The following SERPINB12 variants were observed in gnomAD, a reference collection of about 807,000 sequenced individuals.
The protein encoded by SERPINB12 is serpin family B member 12.
A neutral mutation model predicts 41.1 loss-of-function variants in SERPINB12; 57 were observed. The observed-to-expected ratio is 1.39, with a 90% CI of 1.12 to 1.73. SERPINB12 has a LOEUF of 1.73. SERPINB12 is among the 40% of genes most tolerant of loss of function. The probability of loss-of-function intolerance (pLI) is 0.00; values close to 1 mark genes in which losing one functional copy is unlikely to be tolerated. For missense variants in SERPINB12, 536 were observed against 501.9 expected (o/e 1.07, Z -0.65); for synonymous variants, 180 against 181.3 (o/e 0.99, Z 0.06).
the SERPINB12 span, among the ~76,000 whole-genome samples, chr18:63,519,761 A>G: frequency 2.0e-5 from 3 of 152,116 alleles, no homozygotes; most frequent in African/African-American, 7.2e-5. Context: ...AGTCCTAAAA[A>G]TTTCATATGT....
Position 63,546,812 on chromosome 18 carries a change from G to A in SERPINB12, c.-19+4320G>A, listed in dbSNP as rs1444672289. 2.6e-5 allele frequency among the ~76,000 whole-genome samples: 4 copies of A among 152,268 alleles called. No homozygotes were observed. The East Asian group carries it at 7.7e-4, about 29-fold the overall frequency. On this transcript the variant is annotated intron_variant, in intron 1 of 7. Coordinates refer to ENST00000382768, the MANE Select transcript of SERPINB12 (RefSeq NM_001307928.2). ...CTTTTCCCTTTAATCTATCAATGAT[G>A]ATTTTACTCTGGATTCCAAAATGGC...
At chr18:63,520,649 G>T in the SERPINB12 span, among the ~76,000 whole-genome samples, 1 of 152,140 alleles carries the variant, frequency 6.6e-6, no homozygotes, top group African/African-American at 2.4e-5. Flanking sequence ...GCATAAACCA[G>T]GACAGTGGTA....
In SERPINB12 at chr18:63,567,217, T is replaced by C. The variant is rs909287041; in HGVS notation, c.*206T>C. 4.6e-5 allele frequency among the ~76,000 whole-genome samples: 7 copies of C among 152,206 alleles called. 1 individual carries two copies. Among genetic ancestry groups the C allele is most frequent in the Non-Finnish European group, 5.9e-5 (4 of 68,028 alleles). On this transcript the variant is annotated 3_prime_UTR_variant, in exon 8 of 8. Transcript: ENST00000382768. Reference sequence around the variant, plus strand: ...TTAGTATTGAAGGGCTGTTGTTCTCTACCCTAAACTTTCAAGCATATAAAT... The same window carrying C: ...TTAGTATTGAAGGGCTGTTGTTCTCCACCCTAAACTTTCAAGCATATAAAT...
Position 63,566,811 on chromosome 18 carries a change from T to C in SERPINB12, c.1078T>C (p.Tyr360His). Reference sequence around the variant, plus strand: ...TGGAATCTCTCCAAGTCCCAATTTGTACTTGTCAAAAATTATCCACAAAAC... The same window carrying C: ...TGGAATCTCTCCAAGTCCCAATTTGCACTTGTCAAAAATTATCCACAAAAC... ...LTGISPSPNL[Y>H]LSKIIHKTFV... Residue 360 changes from tyrosine (Y) to histidine (H), a missense_variant, in exon 8 of 8, where the codon TAC becomes CAC. Transcript: ENST00000382768. The C allele has an allele frequency of 1.2e-6, 2 of 1,614,120 alleles. No homozygotes were observed. The highest frequency in any genetic ancestry group is 2.2e-5 in the South Asian group (2 of 91,062).
intron 4 of SERPINB12, among the ~76,000 whole-genome samples, 168 bp downstream of exon 4, chr18:63,559,886 T>C (rs1910845310): frequency 6.6e-6 from 1 of 152,190 alleles, no homozygotes; most frequent in Admixed American, 6.5e-5. Flanking sequence ...TCCCACAGTT[T>C]TCTTCTCTTC....
chr18:63,539,589 C>T (rs1223393280), upstream of SERPINB12, among the ~76,000 whole-genome samples: 1 of 151,966 alleles, frequency 6.6e-6, no homozygotes, highest in Non-Finnish European at 1.5e-5. Flanking sequence ...TGCCCCCCAC[C>T]CCACCCCGCC....
At chr18:63,548,734 T>C (rs1481613120) in intron 1 of SERPINB12, among the ~76,000 whole-genome samples, 1 of 152,012 alleles carries the variant, frequency 6.6e-6, no homozygotes, top group Non-Finnish European at 1.5e-5. Context: ...TGTTAGCAAG[T>C]ATCAATGCCA....
chr18:63,537,815 A>G (rs1262405687), upstream of SERPINB12, among the ~76,000 whole-genome samples: 1 of 152,168 alleles, frequency 6.6e-6, no homozygotes, highest in African/African-American at 2.4e-5. Context: ...TTTAATTAAT[A>G]TTATTCAAAA....
chr18:63,563,601 T>C (rs1461319073), intron 5 of SERPINB12, among the ~76,000 whole-genome samples: 1 of 152,098 alleles, frequency 6.6e-6, no homozygotes, highest in Non-Finnish European at 1.5e-5. Flanking sequence ...TAAACTGCAT[T>C]AAAAAGAATT....
the SERPINB12 span, among the ~76,000 whole-genome samples, chr18:63,536,152 A>T: frequency 6.6e-6 from 1 of 151,902 alleles, no homozygotes; most frequent in South Asian, 2.1e-4. Context: ...ATTTGAAATT[A>T]ATTACAAGCA....
At chr18:63,529,838 C>A in the SERPINB12 span, among the ~76,000 whole-genome samples, 4 of 152,090 alleles carry the variant, frequency 2.6e-5, no homozygotes, top group East Asian at 7.7e-4. Flanking sequence ...AGACTAGGTT[C>A]CTTTTATCCA....
chr18:63,563,053 T>C (rs1910966908), intron 5 of SERPINB12, among the ~76,000 whole-genome samples: 1 of 152,232 alleles, frequency 6.6e-6, no homozygotes, highest in African/African-American at 2.4e-5. Context: ...CCAGTCTTAC[T>C]GCTTCTTGGC....
At chr18:63,559,054 C>CT (rs1270535080) in intron 3 of SERPINB12, among the ~76,000 whole-genome samples, 1 of 89,860 alleles carries the variant, frequency 1.1e-5, no homozygotes, top group African/African-American at 3.1e-5. Context: ...TTCTTTCTTT[C>CT]TTTCTCTCCT....
At chr18:63,546,159 T>A (rs1052395885) in intron 1 of SERPINB12, among the ~76,000 whole-genome samples, 2 of 152,214 alleles carry the variant, frequency 1.3e-5, no homozygotes, top group Admixed American at 1.3e-4. Context: ...AATATTGTTG[T>A]CTGACAACAA....
intron 1 of SERPINB12, among the ~76,000 whole-genome samples, chr18:63,552,470 A>G (rs1343148617): frequency 1.3e-5 from 2 of 152,248 alleles, no homozygotes; most frequent in Non-Finnish European, 2.9e-5. Flanking sequence ...AAAGCTTTAA[A>G]GTATTTTTAA....
chr18:63,527,357 A>G, the SERPINB12 span, among the ~76,000 whole-genome samples: 1 of 152,208 alleles, frequency 6.6e-6, no homozygotes, highest in South Asian at 2.1e-4. Context: ...ACATTTATCT[A>G]GTTCTTTCCT....
the SERPINB12 span, among the ~76,000 whole-genome samples, chr18:63,527,486 T>C: frequency 6.6e-6 from 1 of 152,152 alleles, no homozygotes; most frequent in African/African-American, 2.4e-5. Context: ...AGAATGGTCT[T>C]CTGGTGGGGG....
At chr18:63,531,045 C>T in the SERPINB12 span, among the ~76,000 whole-genome samples, 2 of 152,096 alleles carry the variant, frequency 1.3e-5, no homozygotes, top group South Asian at 4.1e-4. Context: ...TCCTCAAGGC[C>T]CAATAGACCT....
intron 1 of SERPINB12, among the ~76,000 whole-genome samples, chr18:63,547,826 C>T (rs1252544606): frequency 6.6e-6 from 1 of 152,080 alleles, no homozygotes; most frequent in Non-Finnish European, 1.5e-5. Context: ...TTAATTACAG[C>T]TTCCTGCAGG....
Sources: gnomAD v4.1 joint callset for allele counts (sites outside exome capture counted in the v4.1 genomes callset) on GRCh38, gnomAD v4.1.1 for gene constraint, MANE v1.5 for transcripts, NCBI Gene and HGNC (gene_info 2026-07-23, HGNC 2026-07-21) for gene names.